Variants in CNN3 observed in about 807,000 individuals in gnomAD.
CNN3 encodes calponin-3.
A neutral mutation model predicts 39.0 loss-of-function variants in CNN3; 11 were observed. The ratio of observed to expected loss-of-function variants is 0.28; its 90% confidence interval spans 0.18 to 0.47. CNN3 has a LOEUF of 0.47. Among genes scored for constraint, CNN3 ranks in the 20% least tolerant of loss-of-function variants. CNN3 has a pLI of 0.99. For missense variants in CNN3, 266 were observed against 403.4 expected (o/e 0.66, Z 2.92); for synonymous variants, 101 against 138.3 (o/e 0.73, Z 1.89).
At chr1:94,911,698 G>A (rs1194108891) in intron 1 of CNN3, among the ~76,000 whole-genome samples, 1 of 152,142 alleles carries the variant, frequency 6.6e-6, no homozygotes, top group Non-Finnish European at 1.5e-5. Context: ...GAGCCTGGGA[G>A]GTCAAGGCTG....
intron 1 of CNN3, among the ~76,000 whole-genome samples, chr1:94,919,139 G>A (rs1183483530): frequency 1.3e-5 from 2 of 152,180 alleles, no homozygotes; most frequent in Non-Finnish European, 2.9e-5. Flanking sequence ...TAAGCAAGGA[G>A]AGGTAGGGAT....
At position 94,926,407 on chromosome 1, in the gene CNN3, G is replaced by A. The variant is rs1021557851; in HGVS notation, c.57+431C>T. Among the ~76,000 whole-genome samples, 1 of 152,198 alleles carries A rather than the reference G, an allele frequency of 6.6e-6. No individual in the cohort carries two copies. The highest frequency in any genetic ancestry group is 6.5e-5 in the Admixed American group (1 of 15,288). On this transcript the variant is annotated intron_variant, in intron 1 of 6. Transcript: ENST00000370206. This position sits in a 1 kb window ranked among gnomAD's most constrained non-coding sequence, Gnocchi z 4.2. ...GGAGTCCGCCAGCACCCGGGGCCCG[G>A]GCAGATGGCGGGGGCTGCGGCAGCG...
intron 1 of CNN3, among the ~76,000 whole-genome samples, chr1:94,923,934 G>A (rs987632781): frequency 6.6e-6 from 1 of 152,118 alleles, no homozygotes; most frequent in Non-Finnish European, 1.5e-5. Flanking sequence ...CAAGTAGCTA[G>A]CCCAGCATCA....
rs376212210 is a variant in CNN3, at chr1:94,907,589, A to G, written c.58-4065T>C. Among the ~76,000 whole-genome samples, 86 of 152,378 alleles carry G rather than the reference A, an allele frequency of 5.6e-4. 1 individual carries two copies. The highest frequency in any genetic ancestry group is 1.7e-3 in the South Asian group (8 of 4,832). On this transcript the variant is annotated intron_variant, in intron 1 of 6. Transcript: ENST00000370206. ...AAAATTACTCTTCCTGACAGGGCGC[A>G]GTGGCTCACGCCTGTAATCCCAGCA...
chr1:94,907,726 G>T (rs928081157), intron 1 of CNN3, among the ~76,000 whole-genome samples: 5 of 152,196 alleles, frequency 3.3e-5, no homozygotes, highest in Non-Finnish European at 7.3e-5. Context: ...CGGGTGTGGT[G>T]GCGGGCGCCT....
intron 1 of CNN3, among the ~76,000 whole-genome samples, chr1:94,924,699 C>T (rs1671535393): frequency 6.6e-6 from 1 of 152,332 alleles, no homozygotes; most frequent in South Asian, 2.1e-4. Context: ...GTACTTCACT[C>T]AACTAAGACA....
chr1:94,904,157 T>C (rs1008794964), intron 1 of CNN3, among the ~76,000 whole-genome samples: 1 of 152,190 alleles, frequency 6.6e-6, no homozygotes, highest in Non-Finnish European at 1.5e-5. Context: ...ATTCTTAGTA[T>C]CTAGAATTGA....
rs1557906754 is a variant in CNN3 at position 94,899,287 on chromosome 1, T to C, written c.648+84A>G. 36 of 1,405,222 alleles carry C rather than the reference T, an allele frequency of 2.6e-5. No homozygotes were observed. In the South Asian group the frequency reaches 4.8e-4, roughly 19 times the overall value. The allele number at this position is 1,405,222 out of a possible 1,614,324, so 87.0% of individuals were successfully genotyped here. ...GAAGGAATATACTCTAAATAAACTA[T>C]ACAAAAAATACCTACTTTAAACTTC... is the stretch of plus-strand genomic sequence containing the variant. On this transcript the variant is annotated intron_variant, in intron 6 of 6. Coordinates refer to ENST00000370206, the MANE Select transcript of CNN3 (RefSeq NM_001839.5).
rs546349112 is a variant in CNN3, at chr1:94,926,825, G to A, written c.57+13C>T. ...GCCCCGGGGGCCCCCGCGCCCGCCC[G>A]AGCCAGGCGTACCTTGTTCTTGACT... On this transcript the variant is annotated intron_variant, in intron 1 of 6. Transcript: ENST00000370206. This position sits in a 1 kb window ranked among gnomAD's most constrained non-coding sequence, Gnocchi z 4.2. The A allele has an allele frequency of 5.0e-6, 8 of 1,610,292 alleles. No individual in the cohort carries two copies. The African/African-American group carries it at 5.4e-5, about 11-fold the overall frequency.
In CNN3 at chr1:94,926,460, G is replaced by C. The variant is rs1382798087; in HGVS notation, c.57+378C>G. ...TCGCCGGGTCCCTGGCCGCGCAGAC[G>C]GGCTCCGCCTAAGGGCGAGTGGCCA... On this transcript the variant is annotated intron_variant, in intron 1 of 6. Coordinates refer to ENST00000370206, the MANE Select transcript of CNN3 (RefSeq NM_001839.5). The surrounding 1 kb of genome is among the most constrained non-coding windows in gnomAD (Gnocchi z 4.2). Among the ~76,000 whole-genome samples the C allele has an allele frequency of 5.9e-5, 9 of 152,172 alleles. No homozygotes were observed. The East Asian group carries it at 1.4e-3, about 23-fold the overall frequency.
intron 5 of CNN3, among the ~76,000 whole-genome samples, chr1:94,899,734 TAGA>T (rs1553215695): frequency 3.3e-5 from 5 of 152,136 alleles, no homozygotes; most frequent in Non-Finnish European, 7.4e-5. Context: ...AACTCATACA[TAGA>T]AGAATTAAAC....
intron 1 of CNN3, among the ~76,000 whole-genome samples, chr1:94,908,768 T>C (rs1418909383): frequency 6.6e-6 from 1 of 152,138 alleles, no homozygotes; most frequent in African/African-American, 2.4e-5. Context: ...CTTGAACTCC[T>C]GACTTCAGGT....
rs1476946784 is a variant in CNN3 at position 94,896,963 on chromosome 1, T to C, written c.*779A>G. The C allele has an allele frequency of 6.6e-6, 1 of 152,008 alleles. No individual in the cohort carries two copies. The highest frequency in any genetic ancestry group is 6.6e-5 in the Admixed American group (1 of 15,254). The allele number at this position is 152,008 out of a possible 1,614,324, so 9.4% of individuals were successfully genotyped here. A position where few individuals can be genotyped will look rare whatever the true frequency, so the allele number is the denominator to read the frequency against. ...AATCAGCCTGTGGTTCATATGAAAGTTCAAAAAAAATATTTATTTATAAAA... is the reference window on the plus strand; with the variant it reads ...AATCAGCCTGTGGTTCATATGAAAGCTCAAAAAAAATATTTATTTATAAAA... On this transcript the variant is annotated 3_prime_UTR_variant, in exon 7 of 7. Coordinates refer to ENST00000370206, the MANE Select transcript of CNN3 (RefSeq NM_001839.5).
intron 5 of CNN3, 22 bp downstream of exon 5, chr1:94,901,647 T>A (rs1441300158): frequency 2.0e-6 from 3 of 1,502,014 alleles, no homozygotes; most frequent in Admixed American, 3.4e-5. Flanking sequence ...AGTAATTGAA[T>A]AAGCAACACC....
rs773997103 is a variant in CNN3, at chr1:94,903,493, T to C, written c.89A>G (p.Glu30Gly). 3 of 1,614,054 alleles carry C rather than the reference T, an allele frequency of 1.9e-6. No individual in the cohort carries two copies. In the Admixed American group the frequency reaches 5.0e-5, roughly 27 times the overall value. Residue 30 changes from glutamate (E) to glycine (G), a missense_variant, in exon 2 of 7, where the codon GAA (glutamate) becomes GGA (glycine). By Grantham distance (98) the Glu-to-Gly change is moderately conservative. Coordinates refer to ENST00000370206, the MANE Select transcript of CNN3 (RefSeq NM_001839.5). ...IASKYDHQAE[E>G]DLRNWIEEVT... ...CTCTTCTATCCAATTGCGAAGATCT[T>C]CTTCTGCCTGATGATCATACTTGGA... is the stretch of plus-strand genomic sequence containing the variant.
intron 1 of CNN3, among the ~76,000 whole-genome samples, 192 bp from the exon 2 acceptor site, chr1:94,903,716 C>T (rs1049435647): frequency 1.3e-5 from 2 of 152,050 alleles, no homozygotes; most frequent in African/African-American, 4.8e-5. Flanking sequence ...TGGTGAAGAC[C>T]GTGTCATACA....
At chr1:94,915,763 A>C (rs1671264283) in intron 1 of CNN3, among the ~76,000 whole-genome samples, 1 of 152,184 alleles carries the variant, frequency 6.6e-6, no homozygotes, top group African/African-American at 2.4e-5. Flanking sequence ...GCTCACAGGG[A>C]GGGCTTAGCC....
chr1:94,917,978 C>T (rs1354543113), intron 1 of CNN3, among the ~76,000 whole-genome samples: 2 of 152,204 alleles, frequency 1.3e-5, no homozygotes, highest in Admixed American at 1.3e-4. Flanking sequence ...TCATTGGATG[C>T]TCCCCTATCC....
At chr1:94,922,345 C>T (rs1671469001) in intron 1 of CNN3, among the ~76,000 whole-genome samples, 1 of 152,128 alleles carries the variant, frequency 6.6e-6, no homozygotes, top group Non-Finnish European at 1.5e-5. Context: ...GAGTTAATTT[C>T]TAACTTCTTA....
Sources: gnomAD v4.1 joint callset for allele counts (sites outside exome capture counted in the v4.1 genomes callset) on GRCh38, gnomAD v4.1.1 for gene constraint, Gnocchi (gnomAD v3.1) non-coding constraint, MANE v1.5 for transcripts, NCBI Gene and HGNC (gene_info 2026-07-23, HGNC 2026-07-21) for gene names.